The following CBFB variants were observed in gnomAD, a reference collection of about 807,000 sequenced individuals.
The protein encoded by CBFB is CBF-beta.
CBFB carries 9 observed loss-of-function variants against 30.4 expected under a neutral mutation model. That is an observed-to-expected ratio of 0.30 (90% CI 0.18 to 0.52). CBFB has a LOEUF of 0.52. CBFB is among the 20% of genes least tolerant of loss of function. The pLI is 0.97. For synonymous variants in CBFB, 94 were observed against 84.0 expected (o/e 1.12, Z -0.65); for missense variants, 170 against 244.0 (o/e 0.70, Z 2.02).
chr16:67,081,899 C>T (rs538756958), intron 4 of CBFB, among the ~76,000 whole-genome samples: 1 of 150,008 alleles, frequency 6.7e-6, no homozygotes, highest in African/African-American at 2.4e-5. Flanking sequence ...CGGCTCACTG[C>T]AACCTTCACC....
chr16:67,076,418 T>C (rs1961397564), intron 4 of CBFB, among the ~76,000 whole-genome samples: 1 of 152,090 alleles, frequency 6.6e-6, no homozygotes, highest in Admixed American at 6.6e-5. Context: ...ACATCACATG[T>C]TATATGAATC....
chr16:67,057,672 T>C (rs1348656114), intron 3 of CBFB, among the ~76,000 whole-genome samples: 4 of 152,214 alleles, frequency 2.6e-5, no homozygotes, highest in Non-Finnish European at 5.9e-5. Context: ...GAACTTTTTT[T>C]CATAATTTTT....
intron 3 of CBFB, among the ~76,000 whole-genome samples, chr16:67,050,006 A>AT (rs1258497657): frequency 2.6e-5 from 4 of 151,692 alleles, no homozygotes; most frequent in African/African-American, 9.7e-5. Context: ...AGACCCACTT[A>AT]TTTTTTACCC....
In CBFB at chr16:67,100,468, C is replaced by T. The variant is rs1003759146; in HGVS notation, c.*1690C>T. On this transcript the variant is annotated 3_prime_UTR_variant, in exon 6 of 6. Coordinates refer to ENST00000412916, the MANE Select transcript of CBFB (RefSeq NM_022845.3). ...TAAAGGCCATGCTGATCTTGCATAA[C>T]TATAAGTACTATGAATGAATTTGGT... The T allele has an allele frequency of 8.8e-6, 2 of 227,108 alleles. No individual in the cohort carries two copies. Among genetic ancestry groups the T allele is most frequent in the Non-Finnish European group, 1.8e-5 (2 of 114,100 alleles). The allele number at this position is 227,108 out of a possible 1,614,324, so 14.1% of individuals were successfully genotyped here. A position where few individuals can be genotyped will look rare whatever the true frequency, so the allele number is the denominator to read the frequency against.
intron 3 of CBFB, among the ~76,000 whole-genome samples, chr16:67,038,306 A>G (rs750603992): frequency 1.3e-5 from 2 of 151,486 alleles, no homozygotes; most frequent in Non-Finnish European, 2.9e-5. Flanking sequence ...ATACACGTAT[A>G]TATGTGTATA....
At chr16:67,092,498 A>G (rs1961914920) in intron 5 of CBFB, among the ~76,000 whole-genome samples, 1 of 152,144 alleles carries the variant, frequency 6.6e-6, no homozygotes, top group Non-Finnish European at 1.5e-5. Flanking sequence ...ACTTGGGGGA[A>G]ATTACTTAAC....
At chr16:67,046,354 G>T (rs1181227512) in intron 3 of CBFB, among the ~76,000 whole-genome samples, 1 of 152,080 alleles carries the variant, frequency 6.6e-6, no homozygotes, top group Non-Finnish European at 1.5e-5. Context: ...TCTCGCCTTG[G>T]CCTCTCAAAG....
chr16:67,054,935 T>A (rs959923526), intron 3 of CBFB, among the ~76,000 whole-genome samples: 18 of 151,650 alleles, frequency 1.2e-4, no homozygotes, highest in Admixed American at 9.8e-4. Context: ...TTTGTATTTT[T>A]TTTTTTTTTT....
At chr16:67,078,306 G>C (rs1490080857) in intron 4 of CBFB, among the ~76,000 whole-genome samples, 1 of 152,192 alleles carries the variant, frequency 6.6e-6, no homozygotes, top group Non-Finnish European at 1.5e-5. Context: ...CCAGCACTTT[G>C]GGAGGTTGAG....
intron 3 of CBFB, among the ~76,000 whole-genome samples, chr16:67,045,795 C>T (rs1330584604): frequency 6.9e-6 from 1 of 144,236 alleles, no homozygotes; most frequent in Non-Finnish European, 1.5e-5. Flanking sequence ...CTACTTTCTA[C>T]ATTTTTTTTT....
intron 3 of CBFB, among the ~76,000 whole-genome samples, chr16:67,058,128 GGTTGTTGTT>G (rs59958780): frequency 1.8e-4 from 27 of 151,320 alleles, no homozygotes; most frequent in Admixed American, 8.6e-4. Flanking sequence ...TATTCAAATC[GGTTGTTGTT>G]GTTGTTGTTG....
chr16:67,098,734 C>A lies in CBFB; in HGVS notation c.520C>A (p.Pro174Thr). Residue 174 changes from proline to threonine, a missense_variant, in exon 6 of 6, where the codon CCT becomes ACT. By Grantham distance (38) the Pro-to-Thr change is conservative (BLOSUM62 -1). Coordinates refer to ENST00000412916, the MANE Select transcript of CBFB (RefSeq NM_022845.3). ...MEARRQQDPS[P>T]GSNLGGGDDL... ...GGCAAGAAGACAACAAGACCCTAGT[C>A]CTGGTTCCAATTTAGGTGGTGGTGA... 1 of 1,610,606 alleles carries A rather than the reference C, an allele frequency of 6.2e-7. No homozygotes were observed. The highest frequency in any genetic ancestry group is 8.5e-7 in the Non-Finnish European group (1 of 1,176,968).
At chr16:67,062,091 C>A (rs552638914) in intron 3 of CBFB, among the ~76,000 whole-genome samples, 2 of 152,090 alleles carry the variant, frequency 1.3e-5, no homozygotes, top group East Asian at 1.9e-4. Flanking sequence ...CAAAACAGAT[C>A]ATTGGTTTTC....
intron 4 of CBFB, among the ~76,000 whole-genome samples, chr16:67,075,119 G>A (rs1344892972): frequency 6.6e-6 from 1 of 151,866 alleles, no homozygotes; most frequent in Non-Finnish European, 1.5e-5. Context: ...GAACCTGGGA[G>A]GCAGAGGTTT....
intron 5 of CBFB, among the ~76,000 whole-genome samples, chr16:67,087,627 T>C (rs1191525595): frequency 5.9e-5 from 9 of 152,240 alleles, no homozygotes; most frequent in Non-Finnish European, 1.3e-4. Flanking sequence ...AAGAATATTT[T>C]GGTATGTGAG....
At chr16:67,090,421 G>A (rs953804131) in intron 5 of CBFB, among the ~76,000 whole-genome samples, 1 of 152,182 alleles carries the variant, frequency 6.6e-6, no homozygotes, top group African/African-American at 2.4e-5. Flanking sequence ...ATCTGAAAAT[G>A]TTGACATGTT....
intron 5 of CBFB, 129 bp downstream of exon 5, chr16:67,082,437 A>C: frequency 8.7e-7 from 1 of 1,145,570 alleles, no homozygotes; most frequent in Non-Finnish European, 1.2e-6. Context: ...AAAAAGTTGT[A>C]CTCTCTGGCT....
chr16:67,089,405 T>A (rs1961822230), intron 5 of CBFB, among the ~76,000 whole-genome samples: 1 of 152,214 alleles, frequency 6.6e-6, no homozygotes, highest in African/African-American at 2.4e-5. Flanking sequence ...AGCAAATTAT[T>A]ATTTTTCACT....
chr16:67,038,216 C>T (rs1966473069), intron 3 of CBFB, among the ~76,000 whole-genome samples: 1 of 151,462 alleles, frequency 6.6e-6, no homozygotes, highest in Non-Finnish European at 1.5e-5. Flanking sequence ...GCATAACCTG[C>T]CACATTTATG....
Sources: gnomAD v4.1 joint callset for allele counts (sites outside exome capture counted in the v4.1 genomes callset) on GRCh38, gnomAD v4.1.1 for gene constraint, MANE v1.5 for transcripts, NCBI Gene and HGNC (gene_info 2026-07-23, HGNC 2026-07-21) for gene names.